The following LTA4H variants were observed in gnomAD, a reference collection of about 807,000 sequenced individuals.
LTA4H encodes the protein leukotriene A-4 hydrolase.
LTA4H carries 59 observed loss-of-function variants against 89.8 expected under a neutral mutation model. That is an observed-to-expected ratio of 0.66 (90% CI 0.53 to 0.82). The LOEUF (loss-of-function observed/expected upper bound fraction) is 0.82. Among genes scored for constraint, LTA4H ranks in the 40% least tolerant of loss-of-function variants. The pLI is 0.00. For missense variants in LTA4H, 617 were observed against 727.0 expected, an observed-to-expected ratio of 0.85 and a Z score of 1.74; for synonymous variants, 227 against 253.1, an observed-to-expected ratio of 0.90 and a Z score of 0.98.
intron 8 of LTA4H, 59 bp from the exon 9 acceptor site, chr12:96,017,639 G>C: frequency 8.1e-7 from 1 of 1,238,514 alleles, no homozygotes; most frequent in Non-Finnish European, 1.2e-6. Context: ...CTATCTAAAA[G>C]ACTGCCTACC....
At chr12:96,009,493 C>A in intron 14 of LTA4H, 1 of 216,756 alleles carries the variant, frequency 4.6e-6, no homozygotes, top group African/African-American at 2.3e-5. Context: ...TCTAGGCACT[C>A]AAGACAACAA....
At chr12:96,009,829 T>C (rs2136872164) in intron 14 of LTA4H, 1 of 152,388 alleles carries the variant, frequency 6.6e-6, no homozygotes, top group Non-Finnish European at 1.5e-5. Context: ...TGCTTGCTTG[T>C]ACTGAAATGC....
upstream of LTA4H, among the ~76,000 whole-genome samples, chr12:96,037,812 C>T (rs1446123279): frequency 6.6e-6 from 1 of 150,996 alleles, no homozygotes; most frequent in Non-Finnish European, 1.5e-5. Flanking sequence ...CCTGCCTGAG[C>T]CTCCAAGGAC....
chr12:96,006,982 G>C (rs533672485), intron 15 of LTA4H, among the ~76,000 whole-genome samples: 1 of 152,140 alleles, frequency 6.6e-6, no homozygotes, highest in South Asian at 2.1e-4. Context: ...TAAAAATAAG[G>C]ATTTTTAAAT....
intron 15 of LTA4H, among the ~76,000 whole-genome samples, chr12:96,007,413 G>A (rs1310119061): frequency 1.3e-5 from 2 of 152,130 alleles, no homozygotes; most frequent in Non-Finnish European, 2.9e-5. Context: ...CAGGACAATG[G>A]TAACCTGGAT....
chr12:96,015,541 T>C (rs1674851571), intron 11 of LTA4H, 42 bp downstream of exon 11: 1 of 1,434,526 alleles, frequency 7.0e-7, no homozygotes, highest in Non-Finnish European at 9.8e-7. Flanking sequence ...TTAACACCTA[T>C]ACAACTTTGG....
chr12:96,002,055 C>T (rs1950113920), intron 18 of LTA4H, among the ~76,000 whole-genome samples: 1 of 152,140 alleles, frequency 6.6e-6, no homozygotes, highest in Admixed American at 6.5e-5. Context: ...GACAGGGTTT[C>T]ACTATGTTAG....
chr12:96,009,430 A>C, intron 14 of LTA4H: 1 of 385,154 alleles, frequency 2.6e-6, no homozygotes. Flanking sequence ...CGAGTAGTAT[A>C]TGCTAAAGTA....
At chr12:96,013,878 C>A in intron 12 of LTA4H, 25 bp from the exon 13 acceptor site, 1 of 1,027,208 alleles carries the variant, frequency 9.7e-7, no homozygotes, top group South Asian at 1.4e-5. Context: ...GAAAAGAAAT[C>A]AATTCATAGA....
chr12:96,013,022 A>C (rs993637533), intron 14 of LTA4H, 166 bp downstream of exon 14: 1 of 526,522 alleles, frequency 1.9e-6, no homozygotes, highest in Admixed American at 3.1e-5. Context: ...TGTAAACTGC[A>C]GAAATTATTC....
At chr12:96,003,313 G>A (rs536858946) in intron 17 of LTA4H, among the ~76,000 whole-genome samples, 1 of 152,298 alleles carries the variant, frequency 6.6e-6, no homozygotes, top group South Asian at 2.1e-4. Context: ...TCTGGATCAG[G>A]TAGGTGCTCA....
Position 96,018,858 on chromosome 12 carries a change from C to T in LTA4H, c.757G>A (p.Val253Ile). The T allele has an allele frequency of 6.2e-7, 1 of 1,603,416 alleles. No individual in the cohort carries two copies. The highest frequency in any genetic ancestry group is 2.2e-5 in the East Asian group (1 of 44,724). Residue 253 changes from valine (V) to isoleucine (I), a missense_variant, in exon 8 of 19, where the codon GTA (valine) becomes ATA (isoleucine). Physicochemically the swap from Val to Ile is conservative, Grantham distance 29. Transcript: ENST00000228740. Reference sequence around the variant, plus strand: ...ACCAATAGGTCATACTGTCCCCATACATACGGTCCTCCCAGATCTTCTGCT... The same window carrying T: ...ACCAATAGGTCATACTGTCCCCATATATACGGTCCTCCCAGATCTTCTGCT... ...KIAEDLGGPY[V>I]WGQYDLLVLP...
chr12:96,019,184 G>A lies in LTA4H; in HGVS notation c.695C>T (p.Ala232Val). The A allele has an allele frequency of 1.2e-6, 2 of 1,612,650 alleles. No individual in the cohort carries two copies. The highest frequency in any genetic ancestry group is 2.2e-5 in the East Asian group (1 of 44,830). ...WSEKEQVEKS[A>V]YEFSETESML... ...ATGACCAACCTCAGAAAACTCATAAGCAGACTTTTCCACCTGCTCTTTCTC... is the reference window on the plus strand; with the variant it reads ...ATGACCAACCTCAGAAAACTCATAAACAGACTTTTCCACCTGCTCTTTCTC... Residue 232 changes from alanine (A) to valine (V), a missense_variant, in exon 7 of 19, where the codon GCT (alanine) becomes GTT (valine). This residue lies in a region of LTA4H where 172 missense variants were observed against 244.5 expected (regional missense o/e 0.70). Coordinates refer to ENST00000228740, the MANE Select transcript of LTA4H (RefSeq NM_000895.3).
At chr12:96,030,694 C>T (rs1383397729) in intron 1 of LTA4H, among the ~76,000 whole-genome samples, 1 of 152,190 alleles carries the variant, frequency 6.6e-6, no homozygotes, top group African/African-American at 2.4e-5. Context: ...CCAGATCTCC[C>T]TACCTCTGGC....
Position 96,014,926 on chromosome 12 carries a change from G to A in LTA4H, c.1133C>T (p.Ala378Val). ...CTTCTCATAGGGAACTGAAGAATAA[G>A]CTACATCAGGGTCTATATCTGTCAG... is the stretch of plus-strand genomic sequence containing the variant. ...VDLTDIDPDV[A>V]YSSVPYEKGF... is the part of the protein sequence containing the mutation. The change falls in exon 12 of 19, where the codon GCT (alanine) becomes GTT (valine). Residue 378 changes from alanine (A) to valine (V), a missense_variant. Transcript: ENST00000228740. 1 of 1,613,652 alleles carries A rather than the reference G, an allele frequency of 6.2e-7. No homozygotes were observed. The highest frequency in any genetic ancestry group is 8.5e-7 in the Non-Finnish European group (1 of 1,179,694).
chr12:96,027,350 C>A, intron 3 of LTA4H, 94 bp downstream of exon 3: 4 of 1,089,104 alleles, frequency 3.7e-6, no homozygotes, highest in Non-Finnish European at 2.6e-6. Context: ...TAGGTAAAAC[C>A]TACATAATCC....
At chr12:96,036,106 T>A (rs112332456), upstream of LTA4H, among the ~76,000 whole-genome samples, 1,448 of 149,632 alleles carry the variant, frequency 9.7e-3, 8 homozygotes, top group Non-Finnish European at 0.016. Context: ...CAGTAATTGT[T>A]TTTTGTTTTT....
At chr12:96,031,520 G>A (rs1252412022) in intron 1 of LTA4H, among the ~76,000 whole-genome samples, 3 of 152,150 alleles carry the variant, frequency 2.0e-5, no homozygotes, top group African/African-American at 7.2e-5. Flanking sequence ...TTTAAGAAAC[G>A]TGTTAAGCAT....
chr12:96,043,505 G>C, exon 1 of LTA4H: 1 of 613,694 alleles, frequency 1.6e-6, no homozygotes. Flanking sequence ...TACTCGGGAG[G>C]CTGAGGCAGG....
Sources: allele counts gnomAD v4.1 joint callset (sites outside exome capture counted in the v4.1 genomes callset), GRCh38; gene constraint gnomAD v4.1.1; regional missense constraint gnomAD v4.1.1; transcripts MANE v1.5; gene names NCBI Gene and HGNC (gene_info 2026-07-23, HGNC 2026-07-21).